The following CACNA1C variants were observed in gnomAD, a reference collection of about 807,000 sequenced individuals.
CACNA1C encodes the protein voltage-dependent L-type calcium channel subunit alpha-1C.
CACNA1C carries 30 observed loss-of-function variants against 229.0 expected under a neutral mutation model. That is an observed-to-expected ratio of 0.13 (90% CI 0.10 to 0.18). CACNA1C has a LOEUF of 0.18. CACNA1C is among the 10% of genes least tolerant of loss of function. The pLI, the probability that CACNA1C is intolerant of heterozygous loss-of-function variation, is 1.00. For missense variants in CACNA1C, 1,658 were observed against 2,845.0 expected (o/e 0.58, Z 9.49); for synonymous variants, 1,114 against 1,132.5 (o/e 0.98, Z 0.33).
At chr12:2,256,153 G>T (rs935679183) in intron 3 of CACNA1C, among the ~76,000 whole-genome samples, 2 of 146,878 alleles carry the variant, frequency 1.4e-5, no homozygotes, top group African/African-American at 5.1e-5. Context: ...TATCATAAAT[G>T]CAAATTCCTG....
intron 3 of CACNA1C, among the ~76,000 whole-genome samples, chr12:2,135,833 A>G (rs538035675): frequency 0.025 from 3,555 of 144,564 alleles, 392 homozygotes; most frequent in African/African-American, 0.072. Context: ...GGTAGGCTCC[A>G]CCCAGTTCGA....
In CACNA1C at chr12:2,510,564, T is replaced by C. The variant is rs1441389711; in HGVS notation, c.1218-2248T>C. ...CTTGGGGTATAGATGGTGAGCTTCA[T>C]TCCATGGGACTGTTGCTGTAAAACA... is the stretch of plus-strand genomic sequence containing the variant. On this transcript the variant is annotated intron_variant, in intron 8 of 46. Transcript: ENST00000399655. Among the ~76,000 whole-genome samples, 4 of 152,198 alleles carry C rather than the reference T, an allele frequency of 2.6e-5. No individual in the cohort carries two copies. The East Asian group carries it at 7.7e-4, about 29-fold the overall frequency.
intron 13 of CACNA1C, among the ~76,000 whole-genome samples, chr12:2,577,465 G>A (rs1447331379): frequency 6.6e-6 from 1 of 152,222 alleles, no homozygotes; most frequent in Non-Finnish European, 1.5e-5. Flanking sequence ...ATACATATTA[G>A]TTTGATGCAT....
At chr12:2,671,629 A>G (rs1444417508) in intron 38 of CACNA1C, among the ~76,000 whole-genome samples, 1 of 152,226 alleles carries the variant, frequency 6.6e-6, no homozygotes, top group Non-Finnish European at 1.5e-5. Context: ...AGAATTCAGC[A>G]GGGTCGAAGG....
At chr12:2,473,284 A>G (rs1477835880) in intron 5 of CACNA1C, among the ~76,000 whole-genome samples, 3 of 152,060 alleles carry the variant, frequency 2.0e-5, no homozygotes, top group African/African-American at 7.2e-5. Context: ...ACAAACTTCT[A>G]GGGCCCTGTA....
intron 3 of CACNA1C, among the ~76,000 whole-genome samples, chr12:2,385,272 C>T (rs532350648): frequency 3.3e-5 from 5 of 152,272 alleles, no homozygotes; most frequent in African/African-American, 1.2e-4. Flanking sequence ...GACCGGCCCC[C>T]TCAGATGCAC....
chr12:2,634,693 G>A (rs1022667773), intron 30 of CACNA1C, among the ~76,000 whole-genome samples: 2 of 152,048 alleles, frequency 1.3e-5, no homozygotes, highest in African/African-American at 2.4e-5. Context: ...TCTGGGAGCT[G>A]TGGAGTGAGA....
chr12:2,655,300 C>CA, intron 34 of CACNA1C, 62 bp downstream of exon 34: 2 of 1,026,340 alleles, frequency 1.9e-6, no homozygotes, highest in Non-Finnish European at 3.0e-6. Flanking sequence ...CACACTGTGG[C>CA]CTGGTGGTAG....
intron 3 of CACNA1C, among the ~76,000 whole-genome samples, chr12:2,295,027 C>T (rs2093906867): frequency 6.6e-6 from 1 of 152,190 alleles, no homozygotes; most frequent in South Asian, 2.1e-4. Context: ...TTCCCTCTTT[C>T]ACCACGTCTT....
At chr12:2,259,656 G>A (rs535407878) in intron 3 of CACNA1C, among the ~76,000 whole-genome samples, 1 of 152,272 alleles carries the variant, frequency 6.6e-6, no homozygotes, top group East Asian at 1.9e-4. Context: ...ATCTAAGTGT[G>A]TAGCTTTCTT....
At chr12:2,235,784 C>G (rs1258312688) in intron 3 of CACNA1C, among the ~76,000 whole-genome samples, 1 of 152,148 alleles carries the variant, frequency 6.6e-6, no homozygotes, top group East Asian at 1.9e-4. Context: ...TAGGAGCAGT[C>G]CGGTGCACCA....
chr12:2,230,790 C>T (rs1238142495), intron 3 of CACNA1C, among the ~76,000 whole-genome samples: 1 of 152,180 alleles, frequency 6.6e-6, no homozygotes, highest in Non-Finnish European at 1.5e-5. Context: ...GCTTATTTTG[C>T]ACAAGGTCCT....
chr12:2,409,635 G>A (rs186462793), intron 3 of CACNA1C, among the ~76,000 whole-genome samples: 10 of 152,242 alleles, frequency 6.6e-5, no homozygotes, highest in Admixed American at 1.3e-4. Context: ...ATGTTTGTCT[G>A]TTGTTCCCCT....
At chr12:2,494,050 C>T (rs1243208740) in intron 7 of CACNA1C, among the ~76,000 whole-genome samples, 1 of 151,836 alleles carries the variant, frequency 6.6e-6, no homozygotes, top group Non-Finnish European at 1.5e-5. Flanking sequence ...TTCTGGGATA[C>T]ATGTGTAGAA....
At chr12:2,680,678 C>A in intron 42 of CACNA1C, 1 of 963,548 alleles carries the variant, frequency 1.0e-6, no homozygotes, top group Non-Finnish European at 1.6e-6. Context: ...GCACACCTGC[C>A]GCTGGCCTGC....
rs190948070 is a variant in CACNA1C, at chr12:2,351,851, G to A, written c.478-97125G>A. ...ATGCCCACCACCTCTTCTGCACACC[G>A]TGGGTCTGGAAATTACCCAACAAGG... On this transcript the variant is annotated intron_variant, in intron 3 of 46. Coordinates refer to ENST00000399655, the MANE Select transcript of CACNA1C (RefSeq NM_000719.7). 2.4e-3 allele frequency among the ~76,000 whole-genome samples: 367 copies of A among 152,168 alleles called. 1 individual carries two copies. Among genetic ancestry groups the A allele is most frequent in the Non-Finnish European group, 2.5e-3 (167 of 68,008 alleles).
At chr12:2,294,850 G>A (rs1170012441) in intron 3 of CACNA1C, among the ~76,000 whole-genome samples, 1 of 152,166 alleles carries the variant, frequency 6.6e-6, no homozygotes, top group African/African-American at 2.4e-5. Flanking sequence ...AGTAGGTGGG[G>A]CAGGGTGGTC....
intron 3 of CACNA1C, among the ~76,000 whole-genome samples, chr12:2,359,066 G>T (rs2097480156): frequency 6.6e-6 from 1 of 152,186 alleles, no homozygotes; most frequent in Admixed American, 6.5e-5. Context: ...ATCCCCATGA[G>T]AAAGCTTTTT....
At chr12:2,401,184 T>C (rs1475995656) in intron 3 of CACNA1C, among the ~76,000 whole-genome samples, 1 of 152,180 alleles carries the variant, frequency 6.6e-6, no homozygotes, top group Non-Finnish European at 1.5e-5. Context: ...TTTTTGAGTC[T>C]CCAGTCCTTG....
Sources: allele counts gnomAD v4.1 joint callset (sites outside exome capture counted in the v4.1 genomes callset), GRCh38; gene constraint gnomAD v4.1.1; transcripts MANE v1.5; gene names NCBI Gene and HGNC (gene_info 2026-07-23, HGNC 2026-07-21).